Variants in CCDC51 observed in about 807,000 individuals in gnomAD.
The protein encoded by CCDC51 is coiled-coil domain containing 51.
Under a neutral mutation model 24.8 loss-of-function variants are expected in CCDC51, and 25 were observed. The ratio of observed to expected loss-of-function variants is 1.01; its 90% CI spans 0.73 to 1.41. The LOEUF (loss-of-function observed/expected upper bound fraction) is 1.41, where lower values mean the gene tolerates loss of function less well. Ranked by LOEUF, CCDC51 falls within the 40% of genes most tolerant of loss-of-function variation. The pLI is 0.00. For synonymous variants in CCDC51, 190 were observed against 204.3 expected, an observed-to-expected ratio of 0.93 and a Z score of 0.60; for missense variants, 466 against 519.1, an observed-to-expected ratio of 0.90 and a Z score of 0.99.
At position 48,434,804 on chromosome 3, in the gene CCDC51, C is replaced by T; in HGVS notation, c.312+13G>A. On this transcript the variant is annotated intron_variant, in intron 2 of 3. Transcript: ENST00000395694. ...CAGAGGGCGGGGCCAGCCACCCCAGCTCCCCTCCTCACCTCTGTCACCTTT... is the reference window on the plus strand; with the variant it reads ...CAGAGGGCGGGGCCAGCCACCCCAGTTCCCCTCCTCACCTCTGTCACCTTT... The T allele has an allele frequency of 6.3e-7, 1 of 1,575,160 alleles. No homozygotes were observed. The highest frequency in any genetic ancestry group is 2.2e-5 in the East Asian group (1 of 44,462).
At chr3:48,444,448 A>AT (rs537283680), upstream of CCDC51, among the ~76,000 whole-genome samples, 118 of 152,082 alleles carry the variant, frequency 7.8e-4, no homozygotes, top group African/African-American at 2.5e-3. Context: ...AATTTTTTGT[A>AT]TTTTTAGTAG....
At chr3:48,440,941 C>T (rs984885338), upstream of CCDC51, 16 of 456,014 alleles carry the variant, frequency 3.5e-5, no homozygotes, top group East Asian at 2.5e-4. Flanking sequence ...TGACGTCGTC[C>T]GCAATCTTTT....
At chr3:48,436,586 C>G (rs1005007373) in intron 1 of CCDC51, among the ~76,000 whole-genome samples, 4 of 152,362 alleles carry the variant, frequency 2.6e-5, no homozygotes, top group Admixed American at 2.6e-4. Flanking sequence ...AGTCAGACTC[C>G]CAGGCCTCAA....
chr3:48,441,098 C>T (rs889610577), upstream of CCDC51: 10 of 156,740 alleles, frequency 6.4e-5, no homozygotes, highest in African/African-American at 2.4e-4. Flanking sequence ...TCACTGCAAC[C>T]TCCACCTTCC....
At chr3:48,444,663 A>G (rs1051603664), upstream of CCDC51, among the ~76,000 whole-genome samples, 1 of 152,246 alleles carries the variant, frequency 6.6e-6, no homozygotes, top group Non-Finnish European at 1.5e-5. Flanking sequence ...CTGTTCATGT[A>G]AGGCGTCTGC....
At chr3:48,443,272 G>T (rs1047337284), upstream of CCDC51, among the ~76,000 whole-genome samples, 1 of 150,198 alleles carries the variant, frequency 6.7e-6, no homozygotes, top group Admixed American at 6.7e-5. Flanking sequence ...AAAATGCTGG[G>T]GTCGGTGGCT....
At chr3:48,443,488 C>T (rs1406892121), upstream of CCDC51, among the ~76,000 whole-genome samples, 6 of 150,722 alleles carry the variant, frequency 4.0e-5, no homozygotes, top group Admixed American at 6.6e-5. Context: ...GAGCTGAGAT[C>T]GTGCCACTGC....
In CCDC51 at chr3:48,437,487, T is replaced by A. The variant is rs550185943; in HGVS notation, c.-8-2351A>T. ...CCTGGCAAAGAGAAAAGGTGGAAAG[T>A]GCTTGAGGTCGCCCAAAACCTGAAA... On this transcript the variant is annotated intron_variant, in intron 1 of 3. Coordinates refer to ENST00000395694, the MANE Select transcript of CCDC51 (RefSeq NM_001256964.2). This position sits in a 1 kb window ranked among gnomAD's most constrained non-coding sequence, Gnocchi z 4.2. Among the ~76,000 whole-genome samples the A allele has an allele frequency of 6.6e-6, 1 of 152,166 alleles. No homozygotes were observed. The highest frequency in any genetic ancestry group is 6.5e-5 in the Admixed American group (1 of 15,284).
upstream of CCDC51, among the ~76,000 whole-genome samples, chr3:48,441,424 T>A (rs1444083591): frequency 6.7e-6 from 1 of 149,422 alleles, no homozygotes; most frequent in Non-Finnish European, 1.5e-5. Flanking sequence ...TTCAAGTGAT[T>A]CACCCGCCTC....
Position 48,434,910 on chromosome 3 carries a change from T to C in CCDC51, c.219A>G (p.Gln73=). ...LGRALGHSIQ[Q]RATSTAKTWW... is the part of the protein sequence containing the mutation. The stretch of plus-strand genomic sequence containing the variant: ...AAGTCTTGGCTGTGGAGGTCGCTCG[T>C]TGCTGAATGCTGTGCCCCAGGGCTC... Residue 73 remains glutamine, a synonymous_variant, in exon 2 of 4, where the codon CAA becomes CAG. Coordinates refer to ENST00000395694, the MANE Select transcript of CCDC51 (RefSeq NM_001256964.2). 1 of 1,614,244 alleles carries C rather than the reference T, an allele frequency of 6.2e-7. No individual in the cohort carries two copies. Among genetic ancestry groups the C allele is most frequent in the East Asian group, 2.2e-5 (1 of 44,884 alleles).
chr3:48,440,430 C>T (rs1237163472), upstream of CCDC51: 5 of 1,612,440 alleles, frequency 3.1e-6, no homozygotes, highest in Admixed American at 1.7e-5. Context: ...CTGAAACAGC[C>T]CAAGAAGCAG....
chr3:48,433,921 C>G lies in CCDC51; in HGVS notation c.313-50G>C. On this transcript the variant is annotated intron_variant, in intron 2 of 3. Transcript: ENST00000395694. This position sits in a 1 kb window ranked among gnomAD's most constrained non-coding sequence, Gnocchi z 4.4. ...TCTGCACCTTCTCTCCACACCCACA[C>G]AGGCTCAGCTGCATTCCCAGCAAGG... 1 of 1,584,784 alleles carries G rather than the reference C, an allele frequency of 6.3e-7. No homozygotes were observed. Among genetic ancestry groups the G allele is most frequent in the South Asian group, 1.2e-5 (1 of 86,688 alleles).
upstream of CCDC51, chr3:48,443,795 T>G: frequency 6.8e-7 from 1 of 1,480,228 alleles, no homozygotes; most frequent in Non-Finnish European, 9.0e-7. Context: ...CCCGTGGGGC[T>G]TCTACCGTAA....
In CCDC51 at chr3:48,433,862, C is replaced by A; in HGVS notation, c.322G>T (p.Val108Leu). ...AQGKVTEAEK[V>L]FMVARGLVRE... is the part of the protein sequence containing the mutation. The stretch of plus-strand genomic sequence containing the variant: ...ACAAGCCCTCGAGCCACCATGAACA[C>A]TTTCTCAGCCTGCAAAGAGAAAACC... Residue 108 changes from valine (V) to leucine (L), a missense_variant, in exon 3 of 4, where the codon GTG becomes TTG. Val to Leu is a conservative substitution (Grantham distance 32). Coordinates refer to ENST00000395694, the MANE Select transcript of CCDC51 (RefSeq NM_001256964.2). This position sits in a 1 kb window ranked among gnomAD's most constrained non-coding sequence, Gnocchi z 4.4. 6 of 1,613,392 alleles carry A rather than the reference C, an allele frequency of 3.7e-6. No individual in the cohort carries two copies. Among genetic ancestry groups the A allele is most frequent in the Non-Finnish European group, 2.5e-6 (3 of 1,179,572 alleles).
chr3:48,445,801 G>GA, the CCDC51 span, among the ~76,000 whole-genome samples: 1 of 152,188 alleles, frequency 6.6e-6, no homozygotes, highest in Non-Finnish European at 1.5e-5. Flanking sequence ...AGGTAAGGCT[G>GA]AAAGAGTCTT....
intron 1 of CCDC51, among the ~76,000 whole-genome samples, chr3:48,436,018 C>G (rs1467944635): frequency 6.6e-6 from 1 of 152,168 alleles, no homozygotes; most frequent in Non-Finnish European, 1.5e-5. Context: ...CAGGGAGTCT[C>G]CTGTTATCCA....
At position 48,432,817 on chromosome 3, in the gene CCDC51, G is replaced by C. The variant is rs1322413311; in HGVS notation, c.827C>G (p.Ala276Gly). ...TGACCCAGAGTCCTGCCCTGGCCCA[G>C]CAGCATGTACCAGGCCCCTCAGGTC... ...MVDLRGLVHAAGPGQDSGSQA... is the reference protein window; with the variant it reads ...MVDLRGLVHAGGPGQDSGSQA... The change falls in exon 4 of 4, where the codon GCT becomes GGT. Residue 276 changes from alanine (A) to glycine (G), a missense_variant. Transcript: ENST00000395694. 1 of 1,614,166 alleles carries C rather than the reference G, an allele frequency of 6.2e-7. No homozygotes were observed. The highest frequency in any genetic ancestry group is 8.5e-7 in the Non-Finnish European group (1 of 1,180,030).
chr3:48,432,318 C>A lies in CCDC51; in HGVS notation c.*90G>T. ...CTCCTTCAGATTGAGGTTGTACATG[C>A]CCCCAAAGGCTCGCTTCATTGCTAC... is the stretch of plus-strand genomic sequence containing the variant. On this transcript the variant is annotated 3_prime_UTR_variant, in exon 4 of 4. Coordinates refer to ENST00000395694, the MANE Select transcript of CCDC51 (RefSeq NM_001256964.2). 3 of 1,487,378 alleles carry A rather than the reference C, an allele frequency of 2.0e-6. No homozygotes were observed. The South Asian group carries it at 3.8e-5, about 19-fold the overall frequency. The allele number at this position is 1,487,378 out of a possible 1,614,324, so 92.1% of individuals were successfully genotyped here.
At chr3:48,441,523 T>C (rs1245992739), upstream of CCDC51, among the ~76,000 whole-genome samples, 2 of 151,240 alleles carry the variant, frequency 1.3e-5, no homozygotes, top group African/African-American at 2.4e-5. Context: ...TTATCTCTAA[T>C]ATATGCTTTT....
Sources: allele counts gnomAD v4.1 joint callset (sites outside exome capture counted in the v4.1 genomes callset), GRCh38; gene constraint gnomAD v4.1.1; non-coding constraint Gnocchi (gnomAD v3.1); transcripts MANE v1.5; gene names NCBI Gene and HGNC (gene_info 2026-07-23, HGNC 2026-07-21).